SLCO1B3: variants seen among roughly 807,000 people sequenced by gnomAD.
The protein encoded by SLCO1B3 is solute carrier organic anion transporter family member 1B3.
Under a neutral mutation model 71.8 loss-of-function variants are expected in SLCO1B3, and 72 were observed. That is an observed-to-expected ratio of 1.00 (90% CI 0.83 to 1.22). SLCO1B3 has a LOEUF of 1.22. Ranked by LOEUF, SLCO1B3 falls within the 50% of genes most tolerant of loss-of-function variation. The pLI is 0.00. For missense variants in SLCO1B3, 911 were observed against 819.7 expected, an observed-to-expected ratio of 1.11 and a Z score of -1.36; for synonymous variants, 298 against 278.4, an observed-to-expected ratio of 1.07 and a Z score of -0.70.
intron 3 of SLCO1B3, among the ~76,000 whole-genome samples, chr12:20,844,640 C>T (rs1237234184): frequency 2.0e-5 from 3 of 151,858 alleles, no homozygotes; most frequent in Non-Finnish European, 4.4e-5. Flanking sequence ...GTTTATTTTC[C>T]ATGTATTTGT....
At chr12:20,821,289 A>G (rs1379467647) in intron 3 of SLCO1B3, among the ~76,000 whole-genome samples, 1 of 152,154 alleles carries the variant, frequency 6.6e-6, no homozygotes, top group Non-Finnish European at 1.5e-5. Context: ...AAAAATTGAA[A>G]GTGCCGTTTT....
chr12:20,828,065 AT>A (rs1246342182), intron 3 of SLCO1B3, among the ~76,000 whole-genome samples: 1 of 152,144 alleles, frequency 6.6e-6, no homozygotes, highest in Non-Finnish European at 1.5e-5. Flanking sequence ...TAGAAGACCA[AT>A]TTTATTTAGA....
At chr12:20,814,530 T>C (rs1377565676) in intron 2 of SLCO1B3, among the ~76,000 whole-genome samples, 1 of 151,944 alleles carries the variant, frequency 6.6e-6, no homozygotes, top group East Asian at 1.9e-4. Flanking sequence ...GATAAAAAGG[T>C]AGAGTGCAGT....
At chr12:20,845,481 C>G (rs1304564100) in intron 3 of SLCO1B3, among the ~76,000 whole-genome samples, 1 of 152,102 alleles carries the variant, frequency 6.6e-6, no homozygotes, top group Non-Finnish European at 1.5e-5. Context: ...TAAACTCACC[C>G]CAGCAACACA....
rs529665684 is a variant in SLCO1B3 at position 20,857,609 on chromosome 12, C to G, written c.227-830C>G. On this transcript the variant is annotated intron_variant, in intron 4 of 15. Transcript: ENST00000381545. ...GTTCTGATTCTATGGCTGCAACATG[C>G]CATTTTACCTCTAAATATACTAACA... Among the ~76,000 whole-genome samples, 443 of 151,974 alleles carry G rather than the reference C, an allele frequency of 2.9e-3. 1 individual carries two copies. The highest frequency in any genetic ancestry group is 0.01 in the African/African-American group (424 of 41,484).
At chr12:20,883,032 T>A (rs937536870) in intron 12 of SLCO1B3, among the ~76,000 whole-genome samples, 2 of 152,132 alleles carry the variant, frequency 1.3e-5, no homozygotes, top group Non-Finnish European at 2.9e-5. Context: ...TCTGTCCCAT[T>A]TTCATGAGTG....
chr12:20,884,718 T>C (rs1418347043), intron 13 of SLCO1B3, among the ~76,000 whole-genome samples: 3 of 151,904 alleles, frequency 2.0e-5, no homozygotes, highest in Non-Finnish European at 4.4e-5. Context: ...ATTGTACTTT[T>C]AAAACCTACT....
chr12:20,836,003 G>A (rs949337636), intron 3 of SLCO1B3, among the ~76,000 whole-genome samples: 2 of 152,210 alleles, frequency 1.3e-5, no homozygotes, highest in Admixed American at 1.3e-4. Flanking sequence ...CACAATCATG[G>A]TGAAACGCAG....
intron 13 of SLCO1B3, among the ~76,000 whole-genome samples, chr12:20,896,612 G>T (rs1401512013): frequency 6.6e-6 from 1 of 152,124 alleles, no homozygotes; most frequent in Non-Finnish European, 1.5e-5. Flanking sequence ...TATTCAACAA[G>T]TCTCTAGGAA....
chr12:20,896,472 G>T (rs1388975028), intron 13 of SLCO1B3, among the ~76,000 whole-genome samples: 3 of 152,108 alleles, frequency 2.0e-5, no homozygotes, highest in African/African-American at 7.2e-5. Context: ...GCAAAATACT[G>T]CCAGTCTTTT....
intron 15 of SLCO1B3, among the ~76,000 whole-genome samples, chr12:20,911,373 G>A (rs775887717): frequency 6.6e-6 from 1 of 152,130 alleles, no homozygotes; most frequent in African/African-American, 2.4e-5. Flanking sequence ...TTCTGCACCT[G>A]TATTTGTGAG....
rs533885318 is a variant in SLCO1B3 at position 20,844,242 on chromosome 12, A to C, written c.85-10786A>C. ...TGTAAGTTATATAAAGATACCTTAC[A>C]TATATATATGTATGTATTTCCAAAT... On this transcript the variant is annotated intron_variant, in intron 3 of 15. Coordinates refer to ENST00000381545, the MANE Select transcript of SLCO1B3 (RefSeq NM_019844.4). Among the ~76,000 whole-genome samples, 60 of 151,924 alleles carry C rather than the reference A, an allele frequency of 3.9e-4. 1 individual carries two copies. Among genetic ancestry groups the C allele is most frequent in the Middle Eastern group, 3.2e-3 (1 of 314 alleles).
chr12:20,909,066 A>T (rs1437680105), intron 15 of SLCO1B3, among the ~76,000 whole-genome samples: 3 of 151,238 alleles, frequency 2.0e-5, no homozygotes, highest in Non-Finnish European at 2.9e-5. Context: ...AGTGTTCTGG[A>T]TTTTGGCCAT....
At chr12:20,811,924 T>TTTTTTTTG (rs71039996) in intron 1 of SLCO1B3, among the ~76,000 whole-genome samples, 1 of 123,450 alleles carries the variant, frequency 8.1e-6, no homozygotes, top group East Asian at 2.7e-4. Flanking sequence ...TTTTTTTTTT[T>TTTTTTTTG]GAGAAGGAGT....
intron 3 of SLCO1B3, among the ~76,000 whole-genome samples, chr12:20,819,335 G>A (rs1304053318): frequency 6.6e-6 from 1 of 152,152 alleles, no homozygotes; most frequent in African/African-American, 2.4e-5. Context: ...AGATGAGGAT[G>A]AAATTTGCGC....
intron 3 of SLCO1B3, among the ~76,000 whole-genome samples, chr12:20,834,406 T>C (rs1864627070): frequency 6.8e-6 from 1 of 146,336 alleles, no homozygotes; most frequent in Admixed American, 7.0e-5. Context: ...TTATATATAA[T>C]ATAACCTTTG....
At chr12:20,865,885 T>C (rs1265598921) in intron 8 of SLCO1B3, among the ~76,000 whole-genome samples, 1 of 152,122 alleles carries the variant, frequency 6.6e-6, no homozygotes, top group African/African-American at 2.4e-5. Flanking sequence ...TAAAATTAAC[T>C]GTAGTGCCTA....
chr12:20,904,327 A>G lies in SLCO1B3; in HGVS notation c.1865+2860A>G, dbSNP rs554743566. 4.6e-5 allele frequency among the ~76,000 whole-genome samples: 7 copies of G among 152,264 alleles called. No individual in the cohort carries two copies. In the East Asian group the frequency reaches 1.3e-3, roughly 29 times the overall value. ...TTATTCCAAATGGGAGAAATTGGCC[A>G]AAACAAAGGGGTTACAAGCCCCATG... On this transcript the variant is annotated intron_variant, in intron 15 of 15. Coordinates refer to ENST00000381545, the MANE Select transcript of SLCO1B3 (RefSeq NM_019844.4).
intron 3 of SLCO1B3, among the ~76,000 whole-genome samples, chr12:20,818,912 G>T (rs1318138840): frequency 6.6e-6 from 1 of 152,240 alleles, no homozygotes; most frequent in Non-Finnish European, 1.5e-5. Flanking sequence ...TCCGGGCCAG[G>T]AACAATGGTA....
Sources: allele counts gnomAD v4.1 joint callset (sites outside exome capture counted in the v4.1 genomes callset), GRCh38; gene constraint gnomAD v4.1.1; transcripts MANE v1.5; gene names NCBI Gene and HGNC (gene_info 2026-07-23, HGNC 2026-07-21).